CHSY3: variants seen among roughly 807,000 people sequenced by gnomAD.
The protein encoded by CHSY3 is chondroitin sulfate synthase 3, also known as N-acetylgalactosaminyl-proteoglycan 3-beta-glucuronosyltransferase 3.
CHSY3 carries 35 observed loss-of-function variants against 67.2 expected under a neutral mutation model. That is an observed-to-expected ratio of 0.52 (90% CI 0.40 to 0.69). The LOEUF (loss-of-function observed/expected upper bound fraction) is 0.69, where lower values mean the gene tolerates loss of function less well. Among genes scored for constraint, CHSY3 ranks in the 30% least tolerant of loss-of-function variants. CHSY3 has a pLI of 0.00. For synonymous variants in CHSY3, 474 were observed against 434.7 expected (o/e 1.09, Z -1.12); for missense variants, 1,069 against 1,138.5 (o/e 0.94, Z 0.88).
intron 2 of CHSY3, among the ~76,000 whole-genome samples, chr5:129,933,348 A>G (rs947860583): frequency 6.6e-6 from 1 of 152,206 alleles, no homozygotes; most frequent in African/African-American, 2.4e-5. Flanking sequence ...AGGCTTAGTC[A>G]GCATGACAGC....
intron 2 of CHSY3, among the ~76,000 whole-genome samples, chr5:130,090,692 A>G (rs912796952): frequency 3.3e-5 from 5 of 152,158 alleles, no homozygotes; most frequent in African/African-American, 9.7e-5. Context: ...GTTAATGCAC[A>G]TATTTTATTT....
intron 2 of CHSY3, among the ~76,000 whole-genome samples, chr5:130,148,314 A>G (rs191065513): frequency 1.3e-5 from 2 of 152,052 alleles, no homozygotes; most frequent in Admixed American, 1.3e-4. Context: ...GGCACTTAGG[A>G]TTGATTCCAT....
chr5:130,047,660 C>T (rs998398250), intron 2 of CHSY3, among the ~76,000 whole-genome samples: 5 of 151,930 alleles, frequency 3.3e-5, no homozygotes, highest in Admixed American at 6.6e-5. Context: ...GTTCTAAAAT[C>T]CTCAATAACA....
intron 1 of CHSY3, chr5:129,906,021 G>A (rs1370689531): frequency 4.8e-6 from 1 of 208,530 alleles, no homozygotes. Flanking sequence ...TCGGTCCAGA[G>A]GGGCGTGGTC....
intron 2 of CHSY3, among the ~76,000 whole-genome samples, chr5:130,084,758 G>A (rs1397889916): frequency 6.6e-6 from 1 of 151,770 alleles, no homozygotes; most frequent in Non-Finnish European, 1.5e-5. Context: ...AGTGAGGTTG[G>A]GAAGGTACTT....
chr5:129,976,480 G>A (rs749214335), intron 2 of CHSY3, among the ~76,000 whole-genome samples: 6 of 152,100 alleles, frequency 3.9e-5, no homozygotes, highest in Admixed American at 2.0e-4. Flanking sequence ...GTAACAGAGT[G>A]TCCACCTAAA....
At chr5:130,135,342 A>T (rs1768628446) in intron 2 of CHSY3, among the ~76,000 whole-genome samples, 2 of 151,944 alleles carry the variant, frequency 1.3e-5, no homozygotes, top group African/African-American at 4.8e-5. Flanking sequence ...ACATCTCTTT[A>T]AACTTACTGT....
intron 2 of CHSY3, among the ~76,000 whole-genome samples, chr5:130,150,693 A>C (rs1172667029): frequency 6.6e-6 from 1 of 152,214 alleles, no homozygotes; most frequent in African/African-American, 2.4e-5. Flanking sequence ...GCTAACTTAC[A>C]GGATGAATTA....
intron 2 of CHSY3, among the ~76,000 whole-genome samples, chr5:129,930,436 TA>T (rs1761261958): frequency 7.2e-6 from 1 of 139,076 alleles, no homozygotes; most frequent in South Asian, 2.4e-4. Context: ...ATGAGTCACA[TA>T]GAAGCTAACA....
intron 2 of CHSY3, among the ~76,000 whole-genome samples, chr5:130,176,933 A>T (rs1272269832): frequency 2.6e-5 from 4 of 152,158 alleles, no homozygotes; most frequent in African/African-American, 9.7e-5. Context: ...TGGCACGTGT[A>T]TACCTATGTA....
chr5:129,909,257 A>ATT (rs1760444192), intron 2 of CHSY3, among the ~76,000 whole-genome samples: 2 of 152,138 alleles, frequency 1.3e-5, no homozygotes, highest in African/African-American at 4.8e-5. Context: ...TTGGTTTTCA[A>ATT]GTAGTTGGAA....
chr5:129,946,720 G>A (rs1374566031), intron 2 of CHSY3, among the ~76,000 whole-genome samples: 4 of 152,074 alleles, frequency 2.6e-5, no homozygotes, highest in African/African-American at 9.7e-5. Flanking sequence ...TTAGCATAAT[G>A]TCCTCCAGGT....
intron 2 of CHSY3, among the ~76,000 whole-genome samples, chr5:130,177,413 G>A (rs560551150): frequency 6.6e-6 from 1 of 151,706 alleles, no homozygotes; most frequent in Non-Finnish European, 1.5e-5. Context: ...TTTTCTCTCT[G>A]CTTGGGAATA....
At chr5:130,123,467 G>T (rs1768124942) in intron 2 of CHSY3, among the ~76,000 whole-genome samples, 1 of 152,140 alleles carries the variant, frequency 6.6e-6, no homozygotes, top group Admixed American at 6.5e-5. Context: ...TGCATGCACA[G>T]TTCACAGTAG....
chr5:129,994,537 T>A (rs1223507805), intron 2 of CHSY3, among the ~76,000 whole-genome samples: 1 of 152,120 alleles, frequency 6.6e-6, no homozygotes, highest in Non-Finnish European at 1.5e-5. Context: ...GTCACGTAGT[T>A]CTCATGCCAT....
At chr5:130,005,925 A>G (rs574525429) in intron 2 of CHSY3, among the ~76,000 whole-genome samples, 2 of 152,258 alleles carry the variant, frequency 1.3e-5, no homozygotes, top group East Asian at 3.9e-4. Flanking sequence ...AGAAATGTTT[A>G]TTGCTTCTGT....
At chr5:129,924,210 C>A (rs1761018148) in intron 2 of CHSY3, among the ~76,000 whole-genome samples, 1 of 151,982 alleles carries the variant, frequency 6.6e-6, no homozygotes, top group African/African-American at 2.4e-5. Flanking sequence ...TTCCCCCAAC[C>A]CCCTACTAAC....
chr5:130,160,914 T>TA (rs1285426208), intron 2 of CHSY3, among the ~76,000 whole-genome samples: 2 of 150,034 alleles, frequency 1.3e-5, no homozygotes, highest in Non-Finnish European at 3.0e-5. Context: ...TTTTTATTTT[T>TA]TTTTTTTTGA....
chr5:130,085,525 T>A (rs1047597415), intron 2 of CHSY3, among the ~76,000 whole-genome samples: 1 of 151,970 alleles, frequency 6.6e-6, no homozygotes, highest in African/African-American at 2.4e-5. Context: ...TCTTGCTAGC[T>A]GTCTGTCAAT....
Sources: gnomAD v4.1 joint callset for allele counts (sites outside exome capture counted in the v4.1 genomes callset) on GRCh38, gnomAD v4.1.1 for gene constraint, MANE v1.5 for transcripts, NCBI Gene and HGNC (gene_info 2026-07-23, HGNC 2026-07-21) for gene names.